The following CDH13 variants were observed in gnomAD, a reference collection of about 807,000 sequenced individuals.
CDH13 encodes cadherin-13.
Under a neutral mutation model 63.8 loss-of-function variants are expected in CDH13, and 24 were observed. The ratio of observed to expected loss-of-function variants is 0.38; its 90% CI spans 0.27 to 0.53. The LOEUF (loss-of-function observed/expected upper bound fraction) is 0.53. CDH13 is among the 20% of genes least tolerant of loss of function. The probability of loss-of-function intolerance (pLI) is 0.85; values close to 1 mark genes in which losing one functional copy is unlikely to be tolerated. For synonymous variants in CDH13, 503 were observed against 355.3 expected (o/e 1.42, Z -4.67); for missense variants, 1,049 against 903.1 (o/e 1.16, Z -2.07).
intron 1 of CDH13, among the ~76,000 whole-genome samples, chr16:82,756,263 GA>G (rs1488125801): frequency 6.6e-6 from 1 of 152,116 alleles, no homozygotes; most frequent in Non-Finnish European, 1.5e-5. Flanking sequence ...GGGGAAAGAG[GA>G]AAAGGACTCA....
chr16:82,743,655 C>G (rs1221193927), intron 1 of CDH13, among the ~76,000 whole-genome samples: 1 of 152,194 alleles, frequency 6.6e-6, no homozygotes. Context: ...AGACCCAACA[C>G]TCAGCATTCT....
chr16:83,504,825 G>GT (rs780814068), intron 7 of CDH13, among the ~76,000 whole-genome samples: 8 of 152,152 alleles, frequency 5.3e-5, no homozygotes, highest in Non-Finnish European at 1.0e-4. Flanking sequence ...TTATAGTTGT[G>GT]TTTTTTAAAG....
intron 1 of CDH13, among the ~76,000 whole-genome samples, chr16:82,775,583 C>T (rs1398544537): frequency 3.3e-5 from 5 of 152,158 alleles, no homozygotes; most frequent in Non-Finnish European, 7.3e-5. Context: ...CTGTTATCCC[C>T]CATTTTATAG....
chr16:83,206,878 G>A (rs1057487284), intron 4 of CDH13, among the ~76,000 whole-genome samples: 2 of 139,642 alleles, frequency 1.4e-5, no homozygotes, highest in East Asian at 2.2e-4. Context: ...TCACAAAAGG[G>A]CCTTGACCTT....
At chr16:83,087,786 C>G (rs1044849959) in intron 3 of CDH13, among the ~76,000 whole-genome samples, 2 of 143,054 alleles carry the variant, frequency 1.4e-5, no homozygotes, top group South Asian at 4.8e-4. Flanking sequence ...TGTTTATTTT[C>G]AAACACTTCA....
intron 3 of CDH13, among the ~76,000 whole-genome samples, chr16:83,048,715 C>T (rs954122725): frequency 3.3e-5 from 5 of 152,100 alleles, no homozygotes; most frequent in African/African-American, 9.7e-5. Context: ...TCACTTGTAC[C>T]CTTGAACTCA....
At chr16:83,412,570 A>C (rs1309809131) in intron 6 of CDH13, among the ~76,000 whole-genome samples, 1 of 152,244 alleles carries the variant, frequency 6.6e-6, no homozygotes, top group Non-Finnish European at 1.5e-5. Flanking sequence ...GCCACCTCGA[A>C]ATGGGAGGTG....
At chr16:83,581,097 A>G (rs1905552890) in intron 7 of CDH13, among the ~76,000 whole-genome samples, 2 of 152,226 alleles carry the variant, frequency 1.3e-5, no homozygotes. Flanking sequence ...AAAGTTGGGC[A>G]GATTGTATTT....
intron 7 of CDH13, among the ~76,000 whole-genome samples, chr16:83,554,128 A>G (rs767945342): frequency 6.6e-6 from 1 of 152,186 alleles, no homozygotes; most frequent in Non-Finnish European, 1.5e-5. Flanking sequence ...CTGTCTGTGA[A>G]TCTTTCTTTC....
chr16:83,241,109 C>G (rs980003719), intron 5 of CDH13, among the ~76,000 whole-genome samples: 3 of 152,122 alleles, frequency 2.0e-5, no homozygotes, highest in African/African-American at 7.2e-5. Context: ...TGGCTTATTT[C>G]ACTTTGCATA....
chr16:82,656,880 T>C (rs1053754024), intron 1 of CDH13, among the ~76,000 whole-genome samples: 2 of 152,138 alleles, frequency 1.3e-5, no homozygotes, highest in East Asian at 1.9e-4. Flanking sequence ...GTAACATGCA[T>C]TGAAGTTTCC....
intron 6 of CDH13, among the ~76,000 whole-genome samples, chr16:83,434,352 A>G (rs1361266876): frequency 6.6e-6 from 1 of 152,072 alleles, no homozygotes; most frequent in African/African-American, 2.4e-5. Context: ...CTACTTCCCC[A>G]TTTGTGTGAC....
At chr16:83,459,593 A>T (rs1295143528) in intron 6 of CDH13, among the ~76,000 whole-genome samples, 3 of 152,226 alleles carry the variant, frequency 2.0e-5, no homozygotes, top group Non-Finnish European at 2.9e-5. Flanking sequence ...GCTGTACCAG[A>T]GCCATAGGAA....
At chr16:82,797,774 C>CATGTGTGTGT (rs746295779) in intron 1 of CDH13, among the ~76,000 whole-genome samples, 1 of 145,554 alleles carries the variant, frequency 6.9e-6, no homozygotes, top group Non-Finnish European at 1.5e-5. Context: ...ACTTTAGGGC[C>CATGTGTGTGT]GTGTGTGTGT....
At chr16:82,835,798 G>A (rs1744052370) in intron 1 of CDH13, among the ~76,000 whole-genome samples, 1 of 152,168 alleles carries the variant, frequency 6.6e-6, no homozygotes, top group African/African-American at 2.4e-5. Flanking sequence ...TTTGCCTCCA[G>A]CAAACCAAGG....
chr16:83,790,009 G>A (rs1007668041), intron 13 of CDH13: 1 of 151,904 alleles, frequency 6.6e-6, no homozygotes, highest in Non-Finnish European at 1.5e-5. Context: ...AGATAATCAC[G>A]TCACATTCAT....
chr16:83,169,285 T>C (rs529559801), intron 4 of CDH13, among the ~76,000 whole-genome samples: 9 of 152,072 alleles, frequency 5.9e-5, no homozygotes, highest in Admixed American at 1.3e-4. Context: ...CAAGCGATTC[T>C]CCTGTCTCAC....
chr16:82,707,716 T>C lies in CDH13; in HGVS notation c.45+80579T>C, dbSNP rs150500021. On this transcript the variant is annotated intron_variant, in intron 1 of 13. Transcript: ENST00000567109. The stretch of plus-strand genomic sequence containing the variant: ...TAAGCTTGATGTCTCTGTTTTCATG[T>C]AATTTGCACAAAGTAGGCACTCACT... Among the ~76,000 whole-genome samples, 6 of 152,320 alleles carry C rather than the reference T, an allele frequency of 3.9e-5. No homozygotes were observed. The East Asian group carries it at 1.2e-3, about 29-fold the overall frequency.
chr16:82,681,380 A>G (rs777444549), intron 1 of CDH13, among the ~76,000 whole-genome samples: 2 of 152,210 alleles, frequency 1.3e-5, no homozygotes, highest in Non-Finnish European at 2.9e-5. Flanking sequence ...TACTGGGTAC[A>G]GGATTTCCAT....
Sources: allele counts gnomAD v4.1 joint callset (sites outside exome capture counted in the v4.1 genomes callset), GRCh38; gene constraint gnomAD v4.1.1; transcripts MANE v1.5; gene names NCBI Gene and HGNC (gene_info 2026-07-23, HGNC 2026-07-21).